ADGRV1: variants seen among roughly 807,000 people sequenced by gnomAD.
ADGRV1 encodes G-protein coupled receptor 98.
In ADGRV1, 359 loss-of-function variants were observed where a neutral mutation model predicts 596.2. The ratio of observed to expected loss-of-function variants is 0.60; its 90% CI spans 0.55 to 0.66. ADGRV1 has a LOEUF of 0.66. Among genes scored for constraint, ADGRV1 ranks in the 30% least tolerant of loss-of-function variants. The pLI, the probability that ADGRV1 is intolerant of heterozygous loss-of-function variation, is 0.00. For synonymous variants in ADGRV1, 2,681 were observed against 2,679.2 expected (o/e 1.00, Z -0.02); for missense variants, 7,274 against 7,575.6 (o/e 0.96, Z 1.48).
chr5:90,708,877 T>G lies in ADGRV1; in HGVS notation c.8792T>G (p.Met2931Arg), dbSNP rs766944705. ...LVNLTYVGLT[M>R]AASTSFPPRL... ...AATTTAACTTACGTTGGACTTACCA[T>G]GGCTGCTTCAACTTCATTTCCTCCC... The change falls in exon 39 of 90, where the codon ATG becomes AGG. Residue 2931 changes from methionine (M) to arginine (R), a missense_variant. Physicochemically the swap from Met to Arg is moderately conservative, Grantham distance 91. Around this residue, in one of 5 missense-constraint regions of ADGRV1, gnomAD observed 3,643 missense variants for 3,809.2 expected, o/e 0.96. Transcript: ENST00000405460. 1.7e-5 allele frequency: 27 copies of G among 1,612,218 alleles called. No individual in the cohort carries two copies. Among genetic ancestry groups the G allele is most frequent in the Non-Finnish European group, 8.5e-7 (1 of 1,178,750 alleles).
chr5:90,844,835 C>A (rs1427353400), intron 78 of ADGRV1, among the ~76,000 whole-genome samples: 3 of 152,240 alleles, frequency 2.0e-5, no homozygotes, highest in African/African-American at 7.2e-5. Flanking sequence ...TGATTCAGGT[C>A]TTCTACTTGT....
At chr5:90,866,170 G>A (rs775096489) in intron 83 of ADGRV1, among the ~76,000 whole-genome samples, 24 of 152,202 alleles carry the variant, frequency 1.6e-4, no homozygotes, top group Non-Finnish European at 2.4e-4. Flanking sequence ...GAATGGAAAT[G>A]TGGTAGTCCT....
At chr5:90,728,972 T>G (rs773705358) in intron 49 of ADGRV1, 39 bp downstream of exon 49, 9 of 1,361,108 alleles carry the variant, frequency 6.6e-6, no homozygotes, top group Non-Finnish European at 9.1e-6. Flanking sequence ...ATATAATTAT[T>G]GAAATCATCT....
chr5:90,935,146 T>G (rs1775569544), intron 83 of ADGRV1, among the ~76,000 whole-genome samples: 1 of 152,244 alleles, frequency 6.6e-6, no homozygotes, highest in South Asian at 2.1e-4. Context: ...TGGAGAACAG[T>G]AAATGCTTAA....
intron 27 of ADGRV1, 102 bp from the exon 28 acceptor site, chr5:90,683,484 T>C (rs989803433): frequency 4.9e-5 from 47 of 956,738 alleles, no homozygotes; most frequent in Admixed American, 8.6e-5. Flanking sequence ...GAAGAACTTA[T>C]ATAAAATAAA....
intron 86 of ADGRV1, among the ~76,000 whole-genome samples, chr5:91,101,277 T>A (rs1265066033): frequency 6.6e-6 from 1 of 152,208 alleles, no homozygotes; most frequent in Non-Finnish European, 1.5e-5. Flanking sequence ...CCAAGTAAAA[T>A]TAAATTTGAA....
At position 90,684,911 on chromosome 5, in the gene ADGRV1, A is replaced by G. The variant is rs140281947; in HGVS notation, c.6274+716A>G. On this transcript the variant is annotated intron_variant, in intron 28 of 89. Coordinates refer to ENST00000405460, the MANE Select transcript of ADGRV1 (RefSeq NM_032119.4). The stretch of plus-strand genomic sequence containing the variant: ...AGGCGAAGCGGTTAAAGAGGCAGTA[A>G]TTTAGAGTATGATGATTTGCAGCTA... Among the ~76,000 whole-genome samples, 179 of 152,318 alleles carry G rather than the reference A, an allele frequency of 1.2e-3. 1 individual carries two copies. The highest frequency in any genetic ancestry group is 4.1e-3 in the African/African-American group (171 of 41,578).
In ADGRV1 at chr5:90,565,009, C is replaced by T. The variant is rs572116696; in HGVS notation, c.22+6092C>T. Among the ~76,000 whole-genome samples, 7 of 151,964 alleles carry T rather than the reference C, an allele frequency of 4.6e-5. No individual in the cohort carries two copies. In the East Asian group the frequency reaches 1.4e-3, roughly 30 times the overall value. On this transcript the variant is annotated intron_variant, in intron 1 of 89. Transcript: ENST00000405460. ...CAACACTTTGAAAGGCCAAGGTGGG[C>T]GGGTCACCTGAGGTCAGGAGTTTGA...
At position 90,811,167 on chromosome 5, in the gene ADGRV1, T is replaced by C. The variant is rs372410476; in HGVS notation, c.15907T>C (p.Phe5303Leu). Residue 5303 changes from phenylalanine (F) to leucine (L), a missense_variant, in exon 74 of 90, where the codon TTC (phenylalanine) becomes CTC (leucine). By Grantham distance (22) the Phe-to-Leu change is conservative. Transcript: ENST00000405460. The part of the protein sequence containing the change: ...DFEEQTLTLI[F>L]LDGERERKVS... Reference sequence around the variant, plus strand: ...TGAAGAACAAACTCTTACCCTTATATTCCTAGATGGAGAAAGAGAACGTAA... The same window carrying C: ...TGAAGAACAAACTCTTACCCTTATACTCCTAGATGGAGAAAGAGAACGTAA... The C allele has an allele frequency of 1.2e-6, 2 of 1,613,730 alleles. No homozygotes were observed. Among genetic ancestry groups the C allele is most frequent in the Non-Finnish European group, 8.5e-7 (1 of 1,179,822 alleles).
chr5:90,959,548 C>T (rs554966198), intron 83 of ADGRV1, among the ~76,000 whole-genome samples: 2 of 152,166 alleles, frequency 1.3e-5, no homozygotes, highest in African/African-American at 4.8e-5. Context: ...TAACACTACC[C>T]TTTTCAAGAA....
chr5:90,795,009 G>A (rs1360566855), intron 70 of ADGRV1, among the ~76,000 whole-genome samples: 1 of 151,540 alleles, frequency 6.6e-6, no homozygotes, highest in Non-Finnish European at 1.5e-5. Flanking sequence ...TCCCTCTGGT[G>A]CCTACACCAC....
At chr5:90,631,926 T>C (rs537979944) in intron 9 of ADGRV1, among the ~76,000 whole-genome samples, 12 of 152,314 alleles carry the variant, frequency 7.9e-5, no homozygotes, top group African/African-American at 2.9e-4. Context: ...CTTTTAAAAA[T>C]TGATTTTATT....
At chr5:90,664,866 G>C (rs1771029702) in intron 21 of ADGRV1, among the ~76,000 whole-genome samples, 1 of 150,188 alleles carries the variant, frequency 6.7e-6, no homozygotes, top group Non-Finnish European at 1.5e-5. Context: ...TATCTATTGA[G>C]ATAATCATGT....
chr5:90,586,677 C>T (rs1348935386), intron 1 of ADGRV1, among the ~76,000 whole-genome samples: 1 of 152,184 alleles, frequency 6.6e-6, no homozygotes, highest in Non-Finnish European at 1.5e-5. Flanking sequence ...CTGTGAATTT[C>T]ATATTGCATC....
Position 90,643,805 on chromosome 5 carries a change from G to A in ADGRV1, c.2556G>A (p.Leu852=). The A allele has an allele frequency of 6.3e-7, 1 of 1,594,466 alleles. No individual in the cohort carries two copies. Among genetic ancestry groups the A allele is most frequent in the Non-Finnish European group, 8.5e-7 (1 of 1,170,482 alleles). The change falls in exon 14 of 90, where the codon TTG becomes TTA. Residue 852 remains leucine (L), a splice_region_variant and synonymous_variant. Coordinates refer to ENST00000405460, the MANE Select transcript of ADGRV1 (RefSeq NM_032119.4). ...LLARLDGIPE[L]DEHYWVVLSS... is the part of the protein sequence containing the mutation. ...ATACTTTGACACATTCACTTTAGTT[G>A]GATGAACACTACTGGGTGGTCCTCA... is the stretch of plus-strand genomic sequence containing the variant.
At chr5:91,121,150 G>A (rs1193464989) in intron 87 of ADGRV1, among the ~76,000 whole-genome samples, 1 of 152,064 alleles carries the variant, frequency 6.6e-6, no homozygotes, top group Non-Finnish European at 1.5e-5. Flanking sequence ...CTCTAGGCCG[G>A]GCAACAGAAT....
chr5:91,048,829 A>G (rs972340500), intron 85 of ADGRV1, among the ~76,000 whole-genome samples: 5 of 152,194 alleles, frequency 3.3e-5, no homozygotes, highest in Non-Finnish European at 5.9e-5. Flanking sequence ...CAATTTTTGT[A>G]AAGTGACTTA....
intron 83 of ADGRV1, among the ~76,000 whole-genome samples, chr5:90,891,928 C>G (rs958991608): frequency 2.6e-5 from 4 of 151,734 alleles, no homozygotes; most frequent in African/African-American, 9.7e-5. Flanking sequence ...ATGGTATAAC[C>G]TCATCTAGGT....
chr5:91,096,245 A>G (rs1449592094), intron 86 of ADGRV1, among the ~76,000 whole-genome samples: 1 of 152,242 alleles, frequency 6.6e-6, no homozygotes, highest in Non-Finnish European at 1.5e-5. Context: ...GATTTCCATA[A>G]TAAAGCCATT....
Sources: allele counts gnomAD v4.1 joint callset (sites outside exome capture counted in the v4.1 genomes callset), GRCh38; gene constraint gnomAD v4.1.1; regional missense constraint gnomAD v4.1.1; transcripts MANE v1.5; gene names NCBI Gene and HGNC (gene_info 2026-07-23, HGNC 2026-07-21).